KIF6: variants seen among roughly 807,000 people sequenced by gnomAD.
KIF6 encodes the protein kinesin-like protein KIF6.
KIF6 carries 106 observed loss-of-function variants against 112.7 expected under a neutral mutation model. The observed-to-expected ratio is 0.94, with a 90% confidence interval of 0.80 to 1.11. KIF6 has a LOEUF of 1.11. KIF6 is among the 50% of genes least tolerant of loss of function. The probability of loss-of-function intolerance (pLI) is 0.00; values close to 1 mark genes in which losing one functional copy is unlikely to be tolerated. For synonymous variants in KIF6, 339 were observed against 339.9 expected (o/e 1.00, Z 0.03); for missense variants, 929 against 964.0 (o/e 0.96, Z 0.48).
chr6:39,574,652 G>A (rs1332327458), intron 10 of KIF6, among the ~76,000 whole-genome samples: 2 of 151,876 alleles, frequency 1.3e-5, no homozygotes, highest in East Asian at 1.9e-4. Flanking sequence ...CTTAGCACTT[G>A]GTAGCTTTTC....
intron 15 of KIF6, among the ~76,000 whole-genome samples, chr6:39,403,101 T>G (rs983726854): frequency 5.3e-5 from 8 of 152,224 alleles, no homozygotes; most frequent in Admixed American, 3.3e-4. Flanking sequence ...TGAGGTCATT[T>G]CTTTTATAAA....
chr6:39,717,769 A>G (rs1789947933), intron 2 of KIF6, among the ~76,000 whole-genome samples: 1 of 152,168 alleles, frequency 6.6e-6, no homozygotes, highest in Non-Finnish European at 1.5e-5. Flanking sequence ...TTGGGGGAAA[A>G]CAGCCTTTAA....
At chr6:39,582,685 G>T (rs112761103) in intron 9 of KIF6, among the ~76,000 whole-genome samples, 2,097 of 152,236 alleles carry the variant, frequency 0.014, 46 homozygotes, top group African/African-American at 0.048. Context: ...AAAGTGCTGG[G>T]ATTACAGGCG....
intron 7 of KIF6, among the ~76,000 whole-genome samples, chr6:39,593,081 T>C (rs538773169): frequency 6.6e-4 from 100 of 152,352 alleles, no homozygotes; most frequent in Non-Finnish European, 8.8e-5. Flanking sequence ...TTTATTTGTA[T>C]GCTTTGCTGT....
intron 10 of KIF6, among the ~76,000 whole-genome samples, chr6:39,577,565 C>T (rs964661239): frequency 6.6e-6 from 1 of 152,192 alleles, no homozygotes; most frequent in Non-Finnish European, 1.5e-5. Context: ...TTGTATAAAG[C>T]CCTGAATACC....
At chr6:39,367,876 T>C (rs1765688560) in intron 16 of KIF6, among the ~76,000 whole-genome samples, 1 of 152,160 alleles carries the variant, frequency 6.6e-6, no homozygotes, top group Non-Finnish European at 1.5e-5. Context: ...CAGAATCACT[T>C]AAGGAGCTTG....
chr6:39,715,338 T>C (rs2113880515), intron 2 of KIF6, among the ~76,000 whole-genome samples: 1 of 152,292 alleles, frequency 6.6e-6, no homozygotes, highest in East Asian at 1.9e-4. Context: ...AAGTAAATTA[T>C]GATAGACCTG....
intron 13 of KIF6, among the ~76,000 whole-genome samples, chr6:39,497,933 T>C (rs1484339192): frequency 6.6e-6 from 1 of 152,228 alleles, no homozygotes; most frequent in African/African-American, 2.4e-5. Context: ...TGTTCATCTT[T>C]AAAGAAACGT....
intron 19 of KIF6, among the ~76,000 whole-genome samples, chr6:39,355,086 T>G (rs1483620074): frequency 6.6e-6 from 1 of 152,116 alleles, no homozygotes; most frequent in Non-Finnish European, 1.5e-5. Context: ...CTCAGGAGGC[T>G]GAGGCAGGAG....
chr6:39,564,757 T>C (rs979950572), intron 10 of KIF6, among the ~76,000 whole-genome samples: 1 of 152,260 alleles, frequency 6.6e-6, no homozygotes, highest in Non-Finnish European at 1.5e-5. Context: ...TGCTCCATTA[T>C]GTTGTGCCCA....
chr6:39,476,922 A>G (rs999015485), intron 13 of KIF6, among the ~76,000 whole-genome samples: 1 of 152,212 alleles, frequency 6.6e-6, no homozygotes, highest in African/African-American at 2.4e-5. Flanking sequence ...TTATAGCTTC[A>G]ATAACATCAG....
At chr6:39,597,845 C>T (rs1782356973) in intron 6 of KIF6, among the ~76,000 whole-genome samples, 1 of 152,094 alleles carries the variant, frequency 6.6e-6, no homozygotes, top group South Asian at 2.1e-4. Context: ...ATTTGCAATA[C>T]ATATGGCTGA....
chr6:39,388,736 C>T (rs75382694), intron 15 of KIF6, among the ~76,000 whole-genome samples: 3,963 of 152,190 alleles, frequency 0.026, 184 homozygotes, highest in African/African-American at 0.089. Context: ...GTCATTACCA[C>T]GGTGATAAAT....
intron 12 of KIF6, among the ~76,000 whole-genome samples, chr6:39,543,695 G>GT (rs1315859542): frequency 6.6e-6 from 1 of 152,138 alleles, no homozygotes; most frequent in African/African-American, 2.4e-5. Flanking sequence ...TTCTGCAAAC[G>GT]TAATGAAAAT....
intron 16 of KIF6, among the ~76,000 whole-genome samples, chr6:39,368,306 T>C (rs1765726275): frequency 6.6e-6 from 1 of 152,182 alleles, no homozygotes; most frequent in Non-Finnish European, 1.5e-5. Context: ...TATTGTCTTG[T>C]ATAATCTACA....
At chr6:39,698,005 T>G (rs960176459) in intron 3 of KIF6, among the ~76,000 whole-genome samples, 3 of 152,228 alleles carry the variant, frequency 2.0e-5, no homozygotes, top group African/African-American at 7.2e-5. Flanking sequence ...CATATAATTA[T>G]TAATATCACA....
chr6:39,658,120 T>C (rs895873991), intron 3 of KIF6, among the ~76,000 whole-genome samples: 8 of 152,216 alleles, frequency 5.3e-5, no homozygotes, highest in African/African-American at 7.2e-5. Context: ...ATTTTATGTA[T>C]GCATTATGTG....
intron 3 of KIF6, 119 bp from the exon 4 acceptor site, chr6:39,639,876 C>A: frequency 1.2e-6 from 1 of 815,634 alleles, no homozygotes; most frequent in Non-Finnish European, 1.8e-6. Context: ...ATAGAAATAT[C>A]TATTAAAAAT....
intron 10 of KIF6, among the ~76,000 whole-genome samples, chr6:39,556,351 G>A (rs966309078): frequency 4.6e-5 from 7 of 152,156 alleles, no homozygotes; most frequent in African/African-American, 1.4e-4. Context: ...GGAAAATGTG[G>A]AAGATAAGCC....
Sources: gnomAD v4.1 joint callset for allele counts (sites outside exome capture counted in the v4.1 genomes callset) on GRCh38, gnomAD v4.1.1 for gene constraint, MANE v1.5 for transcripts, NCBI Gene and HGNC (gene_info 2026-07-23, HGNC 2026-07-21) for gene names.